The following THBS2 variants were observed in gnomAD, a reference collection of about 807,000 sequenced individuals.
THBS2 encodes thrombospondin-2.
Under a neutral mutation model 135.2 loss-of-function variants are expected in THBS2, and 47 were observed. The observed-to-expected ratio is 0.35, with a 90% CI of 0.28 to 0.44. The LOEUF (loss-of-function observed/expected upper bound fraction) is 0.44, where lower values mean the gene tolerates loss of function less well. Among genes scored for constraint, THBS2 ranks in the 20% least tolerant of loss-of-function variants. The pLI is 1.00. For synonymous variants in THBS2, 639 were observed against 633.8 expected, an observed-to-expected ratio of 1.01 and a Z score of -0.12; for missense variants, 1,288 against 1,603.1, an observed-to-expected ratio of 0.80 and a Z score of 3.36.
At position 169,241,439 on chromosome 6, in the gene THBS2, A is replaced by ATGTGTG. The variant is rs147574702; in HGVS notation, c.891+317_891+322dup. Among the ~76,000 whole-genome samples, 196 of 124,538 alleles carry ATGTGTG rather than the reference A, an allele frequency of 1.6e-3. No individual in the cohort carries two copies. Among genetic ancestry groups the ATGTGTG allele is most frequent in the African/African-American group, 5.9e-3 (192 of 32,462 alleles). 81.7% of individuals were successfully genotyped at this position (124,538 alleles called of 152,430 possible). A position where few individuals can be genotyped will look rare whatever the true frequency, so the allele number is the denominator to read the frequency against. On this transcript the variant is annotated intron_variant, in intron 5 of 21. Transcript: ENST00000617924. The surrounding 1 kb of genome is among the most constrained non-coding windows in gnomAD (Gnocchi z 5.5). The stretch of plus-strand genomic sequence containing the variant: ...TGTATGTGTGTGTATGTGTGTGTGT[A>ATGTGTG]TGTGTGTGTGTGTGTGTACACTCAT...
At position 169,220,088 on chromosome 6, in the gene THBS2, G is replaced by T. The variant is rs901078998; in HGVS notation, c.3511+110C>A. The T allele has an allele frequency of 4.3e-6, 6 of 1,382,310 alleles. No homozygotes were observed. The South Asian group carries it at 6.8e-5, about 16-fold the overall frequency. The allele number at this position is 1,382,310 out of a possible 1,614,324, so 85.6% of individuals were successfully genotyped here. On this transcript the variant is annotated intron_variant, in intron 21 of 21. Transcript: ENST00000617924. ...GCTCATGTGTGGTATTGTGCATTAG[G>T]TTTATTGCCCTGATGTACAGCTTTT...
At chr6:169,247,465 G>A (rs1780590004) in intron 3 of THBS2, among the ~76,000 whole-genome samples, 1 of 152,180 alleles carries the variant, frequency 6.6e-6, no homozygotes, top group Non-Finnish European at 1.5e-5. Context: ...TTGTGCATGT[G>A]TATGTGTGTG....
At chr6:169,238,858 A>G (rs1780196605) in intron 7 of THBS2, among the ~76,000 whole-genome samples, 1 of 152,184 alleles carries the variant, frequency 6.6e-6, no homozygotes, top group South Asian at 2.1e-4. Flanking sequence ...GTTTGGGAGA[A>G]GCGTTGCCTG....
At chr6:169,242,498 C>A in intron 4 of THBS2, among the ~76,000 whole-genome samples, 1 of 152,014 alleles carries the variant, frequency 6.6e-6, no homozygotes, top group South Asian at 2.1e-4. Flanking sequence ...TCCTCTTGCT[C>A]AAACAGCCAG....
rs1317152018 is a variant in THBS2 at position 169,248,859 on chromosome 6, C to T, written c.167G>A (p.Arg56His). The T allele has an allele frequency of 1.2e-5, 20 of 1,611,822 alleles. No homozygotes were observed. The highest frequency in any genetic ancestry group is 2.7e-5 in the African/African-American group (2 of 74,876). The change falls in exon 3 of 22, where the codon CGC (arginine) becomes CAC (histidine). Residue 56 changes from arginine to histidine, a missense_variant. Arg to His is a conservative substitution (Grantham distance 29). Coordinates refer to ENST00000617924, the MANE Select transcript of THBS2 (RefSeq NM_003247.5). ...RGPDPGVPAY[R>H]FVRFDYIPPV... ...TGGGATGTAGTCAAAGCGCACGAAGCGGTAAGCCGGCACGCCGGGGTCGGG... is the reference window on the plus strand; with the variant it reads ...TGGGATGTAGTCAAAGCGCACGAAGTGGTAAGCCGGCACGCCGGGGTCGGG...
intron 4 of THBS2, among the ~76,000 whole-genome samples, chr6:169,245,747 G>A (rs551822072): frequency 4.8e-5 from 7 of 145,388 alleles, no homozygotes; most frequent in South Asian, 4.4e-4. Context: ...AGCCCAGATC[G>A]CACCACTGCA....
intron 4 of THBS2, 190 bp downstream of exon 4, chr6:169,246,007 T>C (rs1780543220): frequency 9.0e-6 from 4 of 444,908 alleles, no homozygotes; most frequent in Middle Eastern, 3.0e-4. Flanking sequence ...CAATTTATTA[T>C]TTTCAGATAT....
At chr6:169,228,797 G>A (rs1005921405) in intron 14 of THBS2, among the ~76,000 whole-genome samples, 16 of 151,644 alleles carry the variant, frequency 1.1e-4, no homozygotes, top group South Asian at 2.1e-4. Context: ...GGTGGTGTGC[G>A]CCTGTAATGC....
At chr6:169,247,893 T>C (rs1780608331) in intron 3 of THBS2, among the ~76,000 whole-genome samples, 1 of 151,800 alleles carries the variant, frequency 6.6e-6, no homozygotes. Context: ...CACATGTATG[T>C]CTGTGTGGTG....
At chr6:169,237,441 C>T in intron 8 of THBS2, 95 bp from the exon 9 acceptor site, 5 of 1,520,448 alleles carry the variant, frequency 3.3e-6, no homozygotes, top group Non-Finnish European at 4.5e-6. Context: ...CATCTCACAG[C>T]TGCTGAGGAG....
chr6:169,240,400 C>T, intron 6 of THBS2, 52 bp downstream of exon 6: 1 of 1,597,368 alleles, frequency 6.3e-7, no homozygotes, highest in Non-Finnish European at 8.5e-7. Context: ...CAGGTTCTGC[C>T]AAGTGTCCGA....
At chr6:169,232,565 C>T (rs1779882287) in intron 12 of THBS2, 99 bp downstream of exon 12, 1 of 1,514,374 alleles carries the variant, frequency 6.6e-7, no homozygotes, top group Non-Finnish European at 8.8e-7. Flanking sequence ...TCTCCCGGGC[C>T]ACGCCACCCC....
intron 4 of THBS2, among the ~76,000 whole-genome samples, chr6:169,242,640 A>C (rs980442167): frequency 1.5e-4 from 2 of 13,518 alleles, no homozygotes; most frequent in Admixed American, 8.9e-4. Context: ...CACCACTCCC[A>C]CCTTCCCACC....
At chr6:169,224,730 A>T (rs1054928998) in intron 17 of THBS2, among the ~76,000 whole-genome samples, 1 of 152,174 alleles carries the variant, frequency 6.6e-6, no homozygotes, top group Non-Finnish European at 1.5e-5. Flanking sequence ...TCTTCCTCTC[A>T]TGCTTCACAC....
chr6:169,232,252 G>GCGT, intron 12 of THBS2, 54 bp from the exon 13 acceptor site: 1 of 1,591,842 alleles, frequency 6.3e-7, no homozygotes, highest in Non-Finnish European at 8.6e-7. Flanking sequence ...GGCTCCGGAG[G>GCGT]CGTCGAGGCG....
Position 169,250,781 on chromosome 6 carries a change from C to G in THBS2, c.4G>C (p.Val2Leu). Residue 2 changes from valine (V) to leucine (L), a missense_variant, in exon 2 of 22, where the codon GTC (valine) becomes CTC (leucine). By Grantham distance (32) the Val-to-Leu change is conservative. Coordinates refer to ENST00000617924, the MANE Select transcript of THBS2 (RefSeq NM_003247.5). M[V>L]WRLVLLALWV... ...AGAGCCAGCAGGACCAGCCTCCAGA[C>G]CATCCTGCCTCCTGCAGCTGAGCTC... 1 of 1,613,486 alleles carries G rather than the reference C, an allele frequency of 6.2e-7. No individual in the cohort carries two copies. Among genetic ancestry groups the G allele is most frequent in the Non-Finnish European group, 8.5e-7 (1 of 1,179,766 alleles).
chr6:169,237,060 G>A (rs1044288526), intron 9 of THBS2, 110 bp downstream of exon 9: 1 of 1,279,440 alleles, frequency 7.8e-7, no homozygotes, highest in Non-Finnish European at 1.1e-6. Flanking sequence ...CTGGGGCTGG[G>A]CTGGGCTGGA....
chr6:169,237,084 C>T, intron 9 of THBS2, 86 bp downstream of exon 9: 1 of 1,469,162 alleles, frequency 6.8e-7, no homozygotes, highest in Non-Finnish European at 9.1e-7. Flanking sequence ...GGCCCTGACA[C>T]CCCGGATCCC....
chr6:169,225,091 CG>C, intron 17 of THBS2, 53 bp downstream of exon 17: 1 of 1,551,974 alleles, frequency 6.4e-7, no homozygotes, highest in Non-Finnish European at 8.9e-7. Context: ...TCTGCCCTGG[CG>C]GGTTGCTCAG....
Sources: allele counts gnomAD v4.1 joint callset (sites outside exome capture counted in the v4.1 genomes callset), GRCh38; gene constraint gnomAD v4.1.1; non-coding constraint Gnocchi (gnomAD v3.1); transcripts MANE v1.5; gene names NCBI Gene and HGNC (gene_info 2026-07-23, HGNC 2026-07-21).